The following TLN2 variants were observed in gnomAD, a reference collection of about 807,000 sequenced individuals.
TLN2 encodes the protein talin 2.
In TLN2, 118 loss-of-function variants were observed where a neutral mutation model predicts 294.7. That is an observed-to-expected ratio of 0.40 (90% CI 0.34 to 0.47). The LOEUF is 0.47. Among genes scored for constraint, TLN2 ranks in the 20% least tolerant of loss-of-function variants. The pLI is 0.84. For missense variants in TLN2, 3,083 were observed against 3,282.2 expected (o/e 0.94, Z 1.48); for synonymous variants, 1,431 against 1,304.5 (o/e 1.10, Z -2.09).
intron 13 of TLN2, among the ~76,000 whole-genome samples, chr15:62,693,224 C>T (rs536663447): frequency 4.6e-5 from 7 of 152,108 alleles, no homozygotes; most frequent in Admixed American, 6.5e-5. Flanking sequence ...CCCAGTTACT[C>T]GGGAGGTGGA....
chr15:62,698,948 A>G, intron 16 of TLN2, 81 bp downstream of exon 16: 2 of 1,342,136 alleles, frequency 1.5e-6, no homozygotes, highest in Non-Finnish European at 2.1e-6. Context: ...GGATTCATCT[A>G]GGTAAATTTC....
intron 1 of TLN2, among the ~76,000 whole-genome samples, chr15:62,563,268 T>A (rs1167863329): frequency 6.6e-6 from 1 of 152,186 alleles, no homozygotes; most frequent in Non-Finnish European, 1.5e-5. Flanking sequence ...TTATGTTTTT[T>A]ATTTTTTGAT....
chr15:62,639,525 A>G (rs1308247030), intron 3 of TLN2, among the ~76,000 whole-genome samples: 1 of 152,348 alleles, frequency 6.6e-6, no homozygotes, highest in Middle Eastern at 3.4e-3. Flanking sequence ...TCTTGCCTCC[A>G]TAAGGGAGAA....
At chr15:62,769,831 G>A (rs964959659) in intron 41 of TLN2, among the ~76,000 whole-genome samples, 6 of 152,202 alleles carry the variant, frequency 3.9e-5, no homozygotes, top group Admixed American at 3.3e-4. Flanking sequence ...TTAGCCATTA[G>A]TCATTACCGC....
intron 1 of TLN2, among the ~76,000 whole-genome samples, chr15:62,414,361 TG>T (rs1399583166): frequency 1.5e-5 from 2 of 137,180 alleles, no homozygotes; most frequent in African/African-American, 5.2e-5. Context: ...GGCTTAATCT[TG>T]CCACTGAATC....
At chr15:62,391,694 C>T (rs1278687501) in intron 1 of TLN2, among the ~76,000 whole-genome samples, 2 of 152,242 alleles carry the variant, frequency 1.3e-5, no homozygotes, top group Admixed American at 6.5e-5. Flanking sequence ...GACTGCTGTC[C>T]CCGCAAGGGC....
At chr15:62,521,346 A>C (rs1390007955) in intron 1 of TLN2, among the ~76,000 whole-genome samples, 1 of 152,160 alleles carries the variant, frequency 6.6e-6, no homozygotes, top group Non-Finnish European at 1.5e-5. Context: ...TTAACCAAAA[A>C]ACCTAACTCT....
intron 11 of TLN2, among the ~76,000 whole-genome samples, chr15:62,680,113 A>C (rs568880030): frequency 2.4e-4 from 36 of 152,292 alleles, no homozygotes; most frequent in Non-Finnish European, 4.7e-4. Flanking sequence ...AAATTCCCTT[A>C]ACGTTTTTCT....
chr15:62,701,361 G>C (rs1406754764), intron 17 of TLN2, 147 bp downstream of exon 17: 3 of 688,938 alleles, frequency 4.4e-6, no homozygotes, highest in Non-Finnish European at 7.2e-6. Flanking sequence ...TAGTGCTGTA[G>C]GCATTTTCTC....
chr15:62,715,649 G>A (rs930627645), intron 22 of TLN2, among the ~76,000 whole-genome samples: 4 of 152,204 alleles, frequency 2.6e-5, no homozygotes, highest in African/African-American at 7.2e-5. Context: ...CAAAGAAAGC[G>A]TGACTGGCAT....
At chr15:62,730,810 A>G (rs1451693644) in intron 28 of TLN2, among the ~76,000 whole-genome samples, 3 of 151,860 alleles carry the variant, frequency 2.0e-5, no homozygotes, top group Non-Finnish European at 2.9e-5. Flanking sequence ...TTCCCTGCAT[A>G]TTTATCCTCC....
chr15:62,750,450 T>C lies in TLN2; in HGVS notation c.4168T>C (p.Ser1390Pro). 1.9e-6 allele frequency: 3 copies of C among 1,614,228 alleles called. No homozygotes were observed. In the South Asian group the frequency reaches 3.3e-5, roughly 18 times the overall value. ...TCCTAATGAACCTGTTAGTGACCTCTCTTACTTTGACTGCATTGAGAGTGT... is the reference window on the plus strand; with the variant it reads ...TCCTAATGAACCTGTTAGTGACCTCCCTTACTTTGACTGCATTGAGAGTGT... ...DNPNEPVSDLSYFDCIESVME... is the reference protein window; with the variant it reads ...DNPNEPVSDLPYFDCIESVME... The change falls in exon 34 of 59, where the codon TCT (serine) becomes CCT (proline). Residue 1390 changes from serine (S) to proline (P), a missense_variant. By Grantham distance (74) the Ser-to-Pro change is moderately conservative. Transcript: ENST00000636159.
intron 9 of TLN2, among the ~76,000 whole-genome samples, chr15:62,668,421 G>C (rs2054988680): frequency 6.6e-6 from 1 of 152,186 alleles, no homozygotes; most frequent in Non-Finnish European, 1.5e-5. Flanking sequence ...TTTGAATTCA[G>C]ATCCTGCTCC....
intron 32 of TLN2, 126 bp from the exon 33 acceptor site, chr15:62,748,225 A>G: frequency 1.4e-6 from 1 of 701,806 alleles, no homozygotes; most frequent in Non-Finnish European, 2.4e-6. Context: ...CCTCTGCAGA[A>G]GAGTTCTCCT....
chr15:62,506,168 T>C (rs2039611337), intron 1 of TLN2, among the ~76,000 whole-genome samples: 1 of 151,750 alleles, frequency 6.6e-6, no homozygotes, highest in Non-Finnish European at 1.5e-5. Flanking sequence ...TCTAGGAAAC[T>C]GTGATATCTC....
intron 1 of TLN2, among the ~76,000 whole-genome samples, chr15:62,517,665 A>G (rs1255370414): frequency 1.3e-5 from 2 of 152,352 alleles, no homozygotes; most frequent in East Asian, 1.9e-4. Context: ...TTAAAAGTCA[A>G]ACACACCGCT....
intron 1 of TLN2, among the ~76,000 whole-genome samples, chr15:62,458,651 C>T (rs2036622079): frequency 6.7e-6 from 1 of 150,320 alleles, no homozygotes; most frequent in African/African-American, 2.4e-5. Flanking sequence ...CACCTATAGT[C>T]CCGGCTGCTT....
intron 1 of TLN2, among the ~76,000 whole-genome samples, chr15:62,435,906 T>C (rs2035266259): frequency 6.6e-6 from 1 of 152,238 alleles, no homozygotes; most frequent in Admixed American, 6.5e-5. Flanking sequence ...CCTCATTTTG[T>C]CTTTGTCACT....
At chr15:62,404,454 CCTT>C (rs1055277073) in intron 1 of TLN2, among the ~76,000 whole-genome samples, 2 of 152,082 alleles carry the variant, frequency 1.3e-5, no homozygotes, top group African/African-American at 2.4e-5. Context: ...GGAGATGTCT[CCTT>C]CTTCTCCTAA....
Sources: gnomAD v4.1 joint callset for allele counts (sites outside exome capture counted in the v4.1 genomes callset) on GRCh38, gnomAD v4.1.1 for gene constraint, MANE v1.5 for transcripts, NCBI Gene and HGNC (gene_info 2026-07-23, HGNC 2026-07-21) for gene names.